The following CYP19A1 variants were observed in gnomAD, a reference collection of about 807,000 sequenced individuals.
CYP19A1 encodes the protein cytochrome P450 family 19 subfamily A member 1.
In CYP19A1, 32 loss-of-function variants were observed where a neutral mutation model predicts 44.4. The observed-to-expected ratio is 0.72, with a 90% CI of 0.54 to 0.97. The LOEUF (loss-of-function observed/expected upper bound fraction) is 0.97, where lower values mean the gene tolerates loss of function less well. Among genes scored for constraint, CYP19A1 ranks in the 50% least tolerant of loss-of-function variants. The pLI, the probability that CYP19A1 is intolerant of heterozygous loss-of-function variation, is 0.00. For synonymous variants in CYP19A1, 212 were observed against 215.6 expected (o/e 0.98, Z 0.14); for missense variants, 598 against 637.8 (o/e 0.94, Z 0.67).
chr15:51,257,487 A>G (rs75019788), intron 1 of CYP19A1, among the ~76,000 whole-genome samples: 1,605 of 152,234 alleles, frequency 0.011, 13 homozygotes, highest in Non-Finnish European at 0.014. Context: ...GTCTCCCACA[A>G]CCTCGAGGGC....
chr15:51,299,787 C>T (rs192743008), intron 1 of CYP19A1, among the ~76,000 whole-genome samples: 9 of 152,214 alleles, frequency 5.9e-5, no homozygotes, highest in Non-Finnish European at 1.2e-4. Flanking sequence ...GGAGATAAGA[C>T]CTTTGCTAAA....
At chr15:51,295,814 C>T (rs752770548) in intron 1 of CYP19A1, among the ~76,000 whole-genome samples, 6 of 152,108 alleles carry the variant, frequency 3.9e-5, no homozygotes, top group African/African-American at 7.2e-5. Context: ...CAAGCCCTTC[C>T]GTTAGGAAGT....
intron 8 of CYP19A1, 147 bp from the exon 9 acceptor site, chr15:51,212,708 G>T: frequency 1.5e-6 from 1 of 648,714 alleles, no homozygotes; most frequent in Non-Finnish European, 2.7e-6. Flanking sequence ...AGCAACCAGG[G>T]CCAAATATGT....
At chr15:51,299,131 C>T (rs1043874328) in intron 1 of CYP19A1, among the ~76,000 whole-genome samples, 2 of 152,232 alleles carry the variant, frequency 1.3e-5, no homozygotes, top group African/African-American at 4.8e-5. Flanking sequence ...TACTCCTTTC[C>T]ATTGTTGATG....
chr15:51,212,627 C>A, intron 8 of CYP19A1, 66 bp from the exon 9 acceptor site: 1 of 1,082,062 alleles, frequency 9.2e-7, no homozygotes, highest in Non-Finnish European at 1.4e-6. Flanking sequence ...GGTATTAAAG[C>A]TTCTATTTTT....
chr15:51,215,253 A>T (rs1405183510), intron 7 of CYP19A1, 21 bp from the exon 8 acceptor site: 2 of 1,613,884 alleles, frequency 1.2e-6, no homozygotes, highest in African/African-American at 2.7e-5. Flanking sequence ...GGAAGATGGG[A>T]AAAATTTGGA....
intron 1 of CYP19A1, among the ~76,000 whole-genome samples, chr15:51,305,169 G>A (rs2036191435): frequency 1.3e-5 from 2 of 151,920 alleles, no homozygotes; most frequent in Admixed American, 1.3e-4. Flanking sequence ...CAAAGTGCTG[G>A]GATCACAGGC....
chr15:51,251,405 G>A (rs1272530067), intron 1 of CYP19A1, among the ~76,000 whole-genome samples: 1 of 152,174 alleles, frequency 6.6e-6, no homozygotes, highest in Non-Finnish European at 1.5e-5. Flanking sequence ...GCTTCCTTCT[G>A]CGCATCTACC....
intron 1 of CYP19A1, chr15:51,280,062 C>T (rs894481405): frequency 1.3e-5 from 2 of 152,134 alleles, no homozygotes; most frequent in Non-Finnish European, 2.9e-5. Context: ...CATAAGAGCC[C>T]GCTCTGCTCA....
intron 1 of CYP19A1, among the ~76,000 whole-genome samples, chr15:51,294,137 G>A (rs1309874765): frequency 2.4e-5 from 3 of 126,942 alleles, no homozygotes; most frequent in Non-Finnish European, 4.6e-5. Context: ...GCTGCCCATC[G>A]TCTGGGATGT....
At chr15:51,307,941 T>C (rs1351821891) in intron 1 of CYP19A1, among the ~76,000 whole-genome samples, 1 of 152,196 alleles carries the variant, frequency 6.6e-6, no homozygotes, top group African/African-American at 2.4e-5. Flanking sequence ...CCAAGCCCTC[T>C]TCTAGAAACA....
chr15:51,249,582 A>G (rs1449981962), intron 1 of CYP19A1, among the ~76,000 whole-genome samples: 1 of 152,188 alleles, frequency 6.6e-6, no homozygotes, highest in African/African-American at 2.4e-5. Context: ...ACATTCAGAC[A>G]TTCAGTTTTC....
At chr15:51,211,788 C>A in intron 9 of CYP19A1, 1 of 316,844 alleles carries the variant, frequency 3.2e-6, no homozygotes, top group Admixed American at 4.4e-5. Flanking sequence ...TAGTACACAT[C>A]AATTATAAAA....
chr15:51,275,737 T>A lies in CYP19A1; in HGVS notation c.-38-32787A>T, dbSNP rs576442574. 4.0e-4 allele frequency among the ~76,000 whole-genome samples: 61 copies of A among 152,142 alleles called. 1 individual carries two copies. Among genetic ancestry groups the A allele is most frequent in the Admixed American group, 7.2e-4 (11 of 15,280 alleles). ...GAGAAAGACTAAATTATCCCAAGTA[T>A]GGTTTATTTATAAGAGTTCAAAAAT... On this transcript the variant is annotated intron_variant, in intron 1 of 9. Transcript: ENST00000396402.
At chr15:51,304,504 T>A (rs1477220701) in intron 1 of CYP19A1, among the ~76,000 whole-genome samples, 2 of 152,234 alleles carry the variant, frequency 1.3e-5, no homozygotes, top group Non-Finnish European at 2.9e-5. Flanking sequence ...CCAAGCCCAC[T>A]CCCATGTCAA....
At chr15:51,294,173 A>G (rs1250661858) in intron 1 of CYP19A1, among the ~76,000 whole-genome samples, 5 of 94,788 alleles carry the variant, frequency 5.3e-5, no homozygotes, top group Middle Eastern at 7.7e-3. Flanking sequence ...CTGGCTGCCC[A>G]GTCTGGAAAG....
At chr15:51,332,552 C>T (rs541473213) in intron 1 of CYP19A1, among the ~76,000 whole-genome samples, 27 of 152,316 alleles carry the variant, frequency 1.8e-4, no homozygotes, top group Non-Finnish European at 2.8e-4. Context: ...TCCTTGCTCA[C>T]CACTAATTTT....
At chr15:51,253,149 G>GA (rs1270954601) in intron 1 of CYP19A1, among the ~76,000 whole-genome samples, 5 of 152,022 alleles carry the variant, frequency 3.3e-5, no homozygotes, top group Non-Finnish European at 7.4e-5. Flanking sequence ...TTCCTCATTA[G>GA]AAAAAAATGG....
At chr15:51,242,660 A>G (rs2033839731) in intron 2 of CYP19A1, 108 bp downstream of exon 2, 1 of 726,036 alleles carries the variant, frequency 1.4e-6, no homozygotes, top group Admixed American at 2.0e-5. Flanking sequence ...GTCTTCAGAG[A>G]TCTTTCCAGG....
Sources: allele counts gnomAD v4.1 joint callset (sites outside exome capture counted in the v4.1 genomes callset), GRCh38; gene constraint gnomAD v4.1.1; transcripts MANE v1.5; gene names NCBI Gene and HGNC (gene_info 2026-07-23, HGNC 2026-07-21).